BBX: variants seen among roughly 807,000 people sequenced by gnomAD.
BBX encodes the protein HMG box transcription factor BBX.
Under a neutral mutation model 100.2 loss-of-function variants are expected in BBX, and 30 were observed. The observed-to-expected ratio is 0.30, with a 90% CI of 0.22 to 0.41. The LOEUF (loss-of-function observed/expected upper bound fraction) is 0.41. Among genes scored for constraint, BBX ranks in the 10% least tolerant of loss-of-function variants. BBX has a pLI of 1.00. For missense variants in BBX, 1,023 were observed against 1,129.8 expected (o/e 0.91, Z 1.35); for synonymous variants, 376 against 388.1 (o/e 0.97, Z 0.37).
At chr3:107,755,789 T>A in intron 10 of BBX, 111 bp downstream of exon 10, 3 of 891,008 alleles carry the variant, frequency 3.4e-6, no homozygotes, top group East Asian at 2.5e-5. Context: ...TAAAATGAGT[T>A]ACATCTAATT....
At chr3:107,598,154 G>A (rs1439025750) in intron 2 of BBX, among the ~76,000 whole-genome samples, 3 of 152,126 alleles carry the variant, frequency 2.0e-5, no homozygotes, top group Non-Finnish European at 4.4e-5. Context: ...AGTCATTGGC[G>A]TATTTTGGCA....
intron 2 of BBX, among the ~76,000 whole-genome samples, chr3:107,531,433 C>A (rs1053920825): frequency 2.1e-4 from 32 of 152,094 alleles, no homozygotes; most frequent in Non-Finnish European, 2.9e-5. Context: ...GTTTACCATG[C>A]AATAATATGG....
intron 2 of BBX, among the ~76,000 whole-genome samples, chr3:107,586,304 A>G (rs900054546): frequency 6.6e-6 from 1 of 152,194 alleles, no homozygotes; most frequent in African/African-American, 2.4e-5. Flanking sequence ...ATGAACTTGT[A>G]TGCAGTTTGT....
chr3:107,602,083 G>A (rs1415968835), intron 2 of BBX, among the ~76,000 whole-genome samples: 1 of 152,186 alleles, frequency 6.6e-6, no homozygotes, highest in Admixed American at 6.5e-5. Context: ...TTACAGCAGG[G>A]TTTATTGAAT....
intron 2 of BBX, among the ~76,000 whole-genome samples, chr3:107,546,284 C>T (rs2049233862): frequency 6.6e-6 from 1 of 152,172 alleles, no homozygotes; most frequent in East Asian, 1.9e-4. Flanking sequence ...GTCATTCCTG[C>T]CTATAAATTA....
In BBX at chr3:107,586,369, G is replaced by A. The variant is rs78980870; in HGVS notation, c.-83-59467G>A. Among the ~76,000 whole-genome samples the A allele has an allele frequency of 1.1e-4, 17 of 152,238 alleles. No individual in the cohort carries two copies. In the East Asian group the frequency reaches 2.3e-3, roughly 21 times the overall value. On this transcript the variant is annotated intron_variant, in intron 2 of 17. Transcript: ENST00000325805. ...TATATTCATTTCTTGAGAGATATTC[G>A]TAATTGTTTTTTTTAGATCTGGATT...
chr3:107,622,298 A>G (rs1010784834), intron 2 of BBX, among the ~76,000 whole-genome samples: 7 of 152,192 alleles, frequency 4.6e-5, no homozygotes, highest in Non-Finnish European at 4.4e-5. Flanking sequence ...GCTTATCAGT[A>G]GTTCGTTATA....
chr3:107,609,488 A>G (rs777153205), intron 2 of BBX, among the ~76,000 whole-genome samples: 1 of 152,098 alleles, frequency 6.6e-6, no homozygotes, highest in Non-Finnish European at 1.5e-5. Context: ...AGAATTCAGC[A>G]GTGAAACCAT....
intron 5 of BBX, among the ~76,000 whole-genome samples, chr3:107,725,696 T>G (rs1375685376): frequency 6.6e-6 from 1 of 152,060 alleles, no homozygotes; most frequent in Non-Finnish European, 1.5e-5. Flanking sequence ...AATGTATTAT[T>G]CTTGCTACGG....
chr3:107,722,295 T>C (rs2062598930), intron 5 of BBX, among the ~76,000 whole-genome samples: 1 of 152,002 alleles, frequency 6.6e-6, no homozygotes, highest in East Asian at 1.9e-4. Context: ...CTCATTTTGG[T>C]ATTTGGTTTC....
intron 2 of BBX, among the ~76,000 whole-genome samples, chr3:107,533,742 T>C (rs908490710): frequency 1.2e-4 from 18 of 152,348 alleles, no homozygotes; most frequent in African/African-American, 3.6e-4. Flanking sequence ...ATGTTTCTTA[T>C]GTAATTATGA....
At chr3:107,661,375 G>C (rs2058435959) in intron 3 of BBX, among the ~76,000 whole-genome samples, 1 of 152,098 alleles carries the variant, frequency 6.6e-6, no homozygotes, top group Non-Finnish European at 1.5e-5. Context: ...ATTTGCTTGT[G>C]TCTTGGGCAA....
At chr3:107,586,424 T>A (rs931158873) in intron 2 of BBX, among the ~76,000 whole-genome samples, 3 of 152,212 alleles carry the variant, frequency 2.0e-5, no homozygotes, top group African/African-American at 7.2e-5. Flanking sequence ...AATGGACATA[T>A]CAGGGGTCAC....
chr3:107,760,074 A>C (rs1433967143), intron 10 of BBX, among the ~76,000 whole-genome samples: 1 of 152,212 alleles, frequency 6.6e-6, no homozygotes, highest in Non-Finnish European at 1.5e-5. Context: ...CTTCTTTTAC[A>C]CATTAGGAAA....
At chr3:107,720,076 T>A (rs1452183527) in intron 5 of BBX, among the ~76,000 whole-genome samples, 2 of 152,020 alleles carry the variant, frequency 1.3e-5, no homozygotes, top group Non-Finnish European at 2.9e-5. Flanking sequence ...TTGGTCCTTT[T>A]TGTGCTTAGC....
intron 2 of BBX, among the ~76,000 whole-genome samples, chr3:107,559,591 G>C (rs758008176): frequency 6.6e-6 from 1 of 152,208 alleles, no homozygotes; most frequent in Non-Finnish European, 1.5e-5. Flanking sequence ...TGTCAAGCAA[G>C]TACTGGAAAA....
In BBX at chr3:107,728,893, A is replaced by G. The variant is rs181621934; in HGVS notation, c.534A>G (p.Ser178=). Residue 178 remains serine, a synonymous_variant, in exon 6 of 18, where the codon TCA becomes TCG. Coordinates refer to ENST00000325805, the MANE Select transcript of BBX (RefSeq NM_001142568.3). ...KKLWAFPSDS[S]RDLPSPKKAK... is the part of the protein sequence containing the mutation. ...TTTGGGCCTTCCCATCTGACTCTTC[A>G]AGAGACTTGCCAAGCCCCAAGAAAG... 3.2e-5 allele frequency: 51 copies of G among 1,613,968 alleles called. No individual in the cohort carries two copies. The East Asian group carries it at 1.1e-3, about 35-fold the overall frequency.
intron 10 of BBX, among the ~76,000 whole-genome samples, chr3:107,760,776 T>TA (rs1353054651): frequency 3.9e-5 from 6 of 152,166 alleles, no homozygotes; most frequent in Admixed American, 6.5e-5. Flanking sequence ...AAACTAGCAG[T>TA]CTCTGGGTGA....
At chr3:107,671,372 T>G (rs1267227180) in intron 3 of BBX, among the ~76,000 whole-genome samples, 1 of 152,058 alleles carries the variant, frequency 6.6e-6, no homozygotes, top group African/African-American at 2.4e-5. Flanking sequence ...GATTTGAGCC[T>G]AAACACCACT....
Sources: gnomAD v4.1 joint callset for allele counts (sites outside exome capture counted in the v4.1 genomes callset) on GRCh38, gnomAD v4.1.1 for gene constraint, MANE v1.5 for transcripts, NCBI Gene and HGNC (gene_info 2026-07-23, HGNC 2026-07-21) for gene names.